The following CAPRIN1 variants were observed in gnomAD, a reference collection of about 807,000 sequenced individuals.
CAPRIN1 encodes the protein cell cycle associated protein 1.
In CAPRIN1, 29 loss-of-function variants were observed where a neutral mutation model predicts 100.9. The observed-to-expected ratio is 0.29, with a 90% CI of 0.21 to 0.39. The LOEUF (loss-of-function observed/expected upper bound fraction) is 0.39, where lower values mean the gene tolerates loss of function less well. Ranked by LOEUF, CAPRIN1 falls within the 10% of genes least tolerant of loss-of-function variation. CAPRIN1 has a pLI of 1.00. For missense variants in CAPRIN1, 795 were observed against 876.7 expected (o/e 0.91, Z 1.18); for synonymous variants, 338 against 307.5 (o/e 1.10, Z -1.04).
At chr11:34,079,582 C>T (rs367853705) in intron 6 of CAPRIN1, 46 bp from the exon 7 acceptor site, 23 of 1,525,964 alleles carry the variant, frequency 1.5e-5, no homozygotes, top group Non-Finnish European at 2.0e-5. Context: ...TCAAGCCAGG[C>T]ATCCTCAGAT....
chr11:34,097,392 C>T (rs773544648), intron 17 of CAPRIN1, 96 bp downstream of exon 17: 20 of 1,056,034 alleles, frequency 1.9e-5, no homozygotes, highest in African/African-American at 3.1e-5. Flanking sequence ...ACTAATTTGG[C>T]GTTAACTTTG....
In CAPRIN1 at chr11:34,087,537, T is replaced by C. The variant is rs1463649813; in HGVS notation, c.1231+1124T>C. Among the ~76,000 whole-genome samples, 2 of 124,302 alleles carry C rather than the reference T, an allele frequency of 1.6e-5. 1 individual carries two copies. Among genetic ancestry groups the C allele is most frequent in the African/African-American group, 6.6e-5 (2 of 30,468 alleles). The allele number at this position is 124,302 out of a possible 152,430, so 81.5% of individuals were successfully genotyped here. ...TTTAGTAGAGACGGGGTTTCACTGTTTTAGCCGGGATGGTCTCGATCTCCT... is the reference window on the plus strand; with the variant it reads ...TTTAGTAGAGACGGGGTTTCACTGTCTTAGCCGGGATGGTCTCGATCTCCT... On this transcript the variant is annotated intron_variant, in intron 11 of 18. Coordinates refer to ENST00000341394, the MANE Select transcript of CAPRIN1 (RefSeq NM_005898.5).
chr11:34,057,762 A>C (rs1415286084), intron 2 of CAPRIN1, among the ~76,000 whole-genome samples: 1 of 152,192 alleles, frequency 6.6e-6, no homozygotes, highest in Admixed American at 6.5e-5. Context: ...CTCGTTGCCC[A>C]GGCTGGAGTG....
chr11:34,059,103 T>C (rs1565082296), intron 2 of CAPRIN1, among the ~76,000 whole-genome samples: 1 of 152,188 alleles, frequency 6.6e-6, no homozygotes, highest in Non-Finnish European at 1.5e-5. Flanking sequence ...TTTTGTTAGA[T>C]AGACTATGAG....
chr11:34,083,066 T>C, intron 9 of CAPRIN1, 25 bp downstream of exon 9: 2 of 1,509,112 alleles, frequency 1.3e-6, no homozygotes, highest in Non-Finnish European at 1.8e-6. Flanking sequence ...TATTGCAAAG[T>C]TGTTGTCTTT....
Position 34,076,436 on chromosome 11 carries a change from C to G in CAPRIN1, c.567C>G (p.Phe189Leu). The change falls in exon 5 of 19, where the codon TTC (phenylalanine) becomes TTG (leucine). Residue 189 changes from phenylalanine (F) to leucine (L), a missense_variant. This residue lies in a region of CAPRIN1 where 648 missense variants were observed against 697.9 expected (regional missense o/e 0.93). Coordinates refer to ENST00000341394, the MANE Select transcript of CAPRIN1 (RefSeq NM_005898.5). ...AGGAGTTGTCATTGTTGGATGAATT[C>G]TATAAGCTAGTAGACCCTGAACGGG... ...SEEELSLLDEFYKLVDPERDM... is the reference protein window; with the variant it reads ...SEEELSLLDELYKLVDPERDM... The G allele has an allele frequency of 1.2e-6, 2 of 1,614,078 alleles. No homozygotes were observed. Among genetic ancestry groups the G allele is most frequent in the African/African-American group, 1.3e-5 (1 of 75,032 alleles).
chr11:34,074,873 AAAAC>A (rs141161739), intron 4 of CAPRIN1, among the ~76,000 whole-genome samples: 19 of 152,138 alleles, frequency 1.2e-4, no homozygotes, highest in East Asian at 7.7e-4. Flanking sequence ...TCCATCTCAA[AAAAC>A]AAACAAAAAA....
chr11:34,086,426 ACATTT>A lies in CAPRIN1; in HGVS notation c.1231+14_1231+18del. The A allele has an allele frequency of 6.8e-7, 1 of 1,474,280 alleles. No homozygotes were observed. The highest frequency in any genetic ancestry group is 9.4e-7 in the Non-Finnish European group (1 of 1,065,620). The allele number at this position is 1,474,280 out of a possible 1,614,324, so 91.3% of individuals were successfully genotyped here. On this transcript the variant is annotated intron_variant, in intron 11 of 18. Coordinates refer to ENST00000341394, the MANE Select transcript of CAPRIN1 (RefSeq NM_005898.5). ...GTTTGCCCTCCAGGTTAGTAGTGGT[ACATTT>A]TTATGTGAGAGAGAAATATAAGGCC...
chr11:34,094,824 A>G (rs1401410771), intron 15 of CAPRIN1, among the ~76,000 whole-genome samples: 1 of 151,976 alleles, frequency 6.6e-6, no homozygotes, highest in Non-Finnish European at 1.5e-5. Context: ...AAAATTAAAT[A>G]AAATAAAGAT....
At chr11:34,064,299 T>C (rs1850642770) in intron 2 of CAPRIN1, among the ~76,000 whole-genome samples, 1 of 152,218 alleles carries the variant, frequency 6.6e-6, no homozygotes. Flanking sequence ...TGTGACAAGC[T>C]ATTCCTTGTA....
intron 9 of CAPRIN1, among the ~76,000 whole-genome samples, chr11:34,085,080 A>G (rs903539271): frequency 6.6e-6 from 1 of 152,070 alleles, no homozygotes; most frequent in African/African-American, 2.4e-5. Context: ...TTATAAAGGG[A>G]ATAGCTGATT....
At chr11:34,080,507 C>T (rs1468677686) in intron 7 of CAPRIN1, among the ~76,000 whole-genome samples, 1 of 152,168 alleles carries the variant, frequency 6.6e-6, no homozygotes, top group Non-Finnish European at 1.5e-5. Flanking sequence ...GAGATTATAG[C>T]TCCATAATCT....
intron 15 of CAPRIN1, among the ~76,000 whole-genome samples, chr11:34,093,197 TA>T (rs1242360336): frequency 4.6e-4 from 12 of 26,182 alleles, no homozygotes; most frequent in East Asian, 0.038. Context: ...TTTTTTTTTA[TA>T]TATATATTTT....
intron 7 of CAPRIN1, among the ~76,000 whole-genome samples, chr11:34,081,552 C>T (rs983139046): frequency 2.0e-5 from 3 of 150,796 alleles, no homozygotes; most frequent in Admixed American, 6.6e-5. Flanking sequence ...GGAGTGTAGT[C>T]GCATGATCTT....
At chr11:34,099,140 A>G in intron 18 of CAPRIN1, 163 bp from the exon 19 acceptor site, 1 of 1,442,706 alleles carries the variant, frequency 6.9e-7, no homozygotes, top group Non-Finnish European at 9.1e-7. Context: ...GCGCATGACA[A>G]CTTCCAGGAC....
At chr11:34,098,265 T>C in intron 18 of CAPRIN1, 21 of 985,838 alleles carry the variant, frequency 2.1e-5, no homozygotes, top group Non-Finnish European at 2.5e-5. Context: ...TGCAATGCCT[T>C]TTGGACCTCT....
intron 2 of CAPRIN1, among the ~76,000 whole-genome samples, chr11:34,060,443 G>A (rs995779399): frequency 2.0e-5 from 3 of 152,070 alleles, no homozygotes; most frequent in African/African-American, 7.2e-5. Context: ...AGCCTTAAGC[G>A]ATCCTCTTGT....
chr11:34,092,783 T>TA (rs1211826022), intron 15 of CAPRIN1, among the ~76,000 whole-genome samples: 9 of 152,256 alleles, frequency 5.9e-5, no homozygotes, highest in African/African-American at 1.7e-4. Flanking sequence ...GGTTGAAACA[T>TA]AATCTATTTT....
In CAPRIN1 at chr11:34,093,231, T is replaced by C. The variant is rs886321028; in HGVS notation, c.1705+1175T>C. On this transcript the variant is annotated intron_variant, in intron 15 of 18. Transcript: ENST00000341394. ...TTTTTTAAGAAATGGGGTCTCTGTC[T>C]GTTGCCCAGGTTGGAGTGCAGTGGT... Among the ~76,000 whole-genome samples the C allele has an allele frequency of 5.9e-5, 9 of 151,462 alleles. 1 individual carries two copies. Among genetic ancestry groups the C allele is most frequent in the African/African-American group, 2.2e-4 (9 of 41,308 alleles).
Sources: gnomAD v4.1 joint callset for allele counts (sites outside exome capture counted in the v4.1 genomes callset) on GRCh38, gnomAD v4.1.1 for gene constraint, gnomAD v4.1.1 regional missense constraint, MANE v1.5 for transcripts, NCBI Gene and HGNC (gene_info 2026-07-23, HGNC 2026-07-21) for gene names.